The following OSBPL2 variants were observed in gnomAD, a reference collection of about 807,000 sequenced individuals.
The protein encoded by OSBPL2 is oxysterol-binding protein-related protein 2.
Under a neutral mutation model 58.4 loss-of-function variants are expected in OSBPL2, and 18 were observed. That is an observed-to-expected ratio of 0.31 (90% CI 0.21 to 0.46). The LOEUF (loss-of-function observed/expected upper bound fraction) is 0.46, where lower values mean the gene tolerates loss of function less well. Ranked by LOEUF, OSBPL2 falls within the 20% of genes least tolerant of loss-of-function variation. OSBPL2 has a pLI of 1.00. For synonymous variants in OSBPL2, 221 were observed against 234.1 expected (o/e 0.94, Z 0.51); for missense variants, 461 against 616.5 (o/e 0.75, Z 2.67).
In OSBPL2 at chr20:62,273,408, TA is replaced by T; in HGVS notation, c.491+4del. 1 of 1,591,596 alleles carries T rather than the reference TA, an allele frequency of 6.3e-7. No individual in the cohort carries two copies. The highest frequency in any genetic ancestry group is 8.6e-7 in the Non-Finnish European group (1 of 1,168,426). On this transcript the variant is annotated splice_donor_region_variant and intron_variant, in intron 6 of 13. Transcript: ENST00000313733. ...GGGAGAAACGTATGAATTAATCAGG[TA>T]AGGGGGGAAAGGCCCATCATAAATA...
intron 2 of OSBPL2, among the ~76,000 whole-genome samples, chr20:62,258,424 A>G (rs527796325): frequency 5.9e-5 from 9 of 152,338 alleles, no homozygotes; most frequent in African/African-American, 2.2e-4. Context: ...TGTCTTAAGA[A>G]TCAGTGCCAT....
intron 12 of OSBPL2, among the ~76,000 whole-genome samples, chr20:62,290,784 G>GCT (rs2145980691): frequency 6.7e-6 from 1 of 149,452 alleles, no homozygotes; most frequent in South Asian, 2.1e-4. Flanking sequence ...TGTTGCCCAG[G>GCT]CTGGAGTGCA....
At chr20:62,276,623 T>A (rs1378693280) in intron 6 of OSBPL2, among the ~76,000 whole-genome samples, 1 of 152,162 alleles carries the variant, frequency 6.6e-6, no homozygotes, top group Non-Finnish European at 1.5e-5. Flanking sequence ...TTTGAGCAAG[T>A]AGGACTAGTT....
chr20:62,246,358 G>A (rs556274657), intron 1 of OSBPL2, among the ~76,000 whole-genome samples: 1 of 152,364 alleles, frequency 6.6e-6, no homozygotes, highest in South Asian at 2.1e-4. Flanking sequence ...CCATAGGGAC[G>A]ACACTGGACA....
intron 1 of OSBPL2, among the ~76,000 whole-genome samples, chr20:62,248,813 C>T (rs1309721600): frequency 6.6e-6 from 1 of 152,112 alleles, no homozygotes; most frequent in Non-Finnish European, 1.5e-5. Context: ...GCCTTAGTCT[C>T]CTAAGTAGCT....
rs546962618 is a variant in OSBPL2, at chr20:62,266,558, C to T, written c.258+2867C>T. Reference sequence around the variant, plus strand: ...CTGCAGTGATTGGCTGTGGCTCGTTCTGGATCCGAGGTGATTGGCTGTGGC... The same window carrying T: ...CTGCAGTGATTGGCTGTGGCTCGTTTTGGATCCGAGGTGATTGGCTGTGGC... On this transcript the variant is annotated intron_variant, in intron 4 of 13. Coordinates refer to ENST00000313733, the MANE Select transcript of OSBPL2 (RefSeq NM_144498.4). 8.1e-4 allele frequency among the ~76,000 whole-genome samples: 123 copies of T among 152,186 alleles called. 1 individual carries two copies. Among genetic ancestry groups the T allele is most frequent in the Middle Eastern group, 3.4e-3 (1 of 294 alleles).
intron 1 of OSBPL2, 80 bp from the exon 2 acceptor site, chr20:62,255,977 T>A: frequency 1.9e-6 from 1 of 519,726 alleles, no homozygotes; most frequent in Non-Finnish European, 3.4e-6. Context: ...GATTTTAGGA[T>A]GGTGAATGGG....
chr20:62,271,998 G>A (rs989819533), intron 4 of OSBPL2, 127 bp from the exon 5 acceptor site: 24 of 1,117,346 alleles, frequency 2.1e-5, no homozygotes, highest in Non-Finnish European at 3.0e-5. Context: ...ACCCATGGGG[G>A]GTTTGAAGAT....
At chr20:62,272,284 G>C in intron 5 of OSBPL2, 25 bp downstream of exon 5, 1 of 1,609,220 alleles carries the variant, frequency 6.2e-7, no homozygotes, top group Non-Finnish European at 8.5e-7. Flanking sequence ...TGCCAGGCAG[G>C]AGTTTGTCAT....
At chr20:62,279,134 C>A (rs370305474) in intron 6 of OSBPL2, 23 bp from the exon 7 acceptor site, 1 of 1,589,514 alleles carries the variant, frequency 6.3e-7, no homozygotes, top group Admixed American at 1.7e-5. Flanking sequence ...TAATGTGTCT[C>A]TCTTTTTTAT....
Position 62,238,561 on chromosome 20 carries a change from A to G in OSBPL2, c.-165A>G, listed in dbSNP as rs1157157600. ...GCCTACGGGGCGGGGGCGGGGCGGC[A>G]GTGAGCTCGGCCGGCAACCGAGGGA... On this transcript the variant is annotated 5_prime_UTR_variant, in exon 1 of 14. Transcript: ENST00000313733. 1.3e-5 allele frequency: 2 copies of G among 149,348 alleles called. No homozygotes were observed. The highest frequency in any genetic ancestry group is 3.9e-4 in the East Asian group (2 of 5,080). The allele number at this position is 149,348 out of a possible 1,614,324, so 9.3% of individuals were successfully genotyped here.
Position 62,256,454 on chromosome 20 carries a change from G to A in OSBPL2, c.37+233G>A, listed in dbSNP as rs550646540. On this transcript the variant is annotated intron_variant, in intron 2 of 13. Coordinates refer to ENST00000313733, the MANE Select transcript of OSBPL2 (RefSeq NM_144498.4). ...TCTCCCGAAGAGTTTCCTGGGGTGC[G>A]GATATTTTCATTTGTCTCCTGAGAT... 2.6e-5 allele frequency among the ~76,000 whole-genome samples: 4 copies of A among 152,200 alleles called. No homozygotes were observed. In the East Asian group the frequency reaches 5.8e-4, roughly 22 times the overall value.
intron 4 of OSBPL2, 72 bp downstream of exon 4, chr20:62,263,763 G>T: frequency 7.1e-7 from 1 of 1,400,368 alleles, no homozygotes; most frequent in South Asian, 1.1e-5. Context: ...CAGTGCTGGT[G>T]GTTTAAGAAA....
intron 4 of OSBPL2, 80 bp from the exon 5 acceptor site, chr20:62,272,045 A>G: frequency 2.6e-6 from 4 of 1,537,862 alleles, no homozygotes; most frequent in East Asian, 2.3e-5. Context: ...CCATGAAGGG[A>G]TGCTCAGAGC....
Position 62,289,230 on chromosome 20 carries a change from T to C in OSBPL2, c.1149T>C (p.Thr383=), listed in dbSNP as rs2145978018. Residue 383 remains threonine, a synonymous_variant, in exon 12 of 14, where the codon ACT becomes ACC. Coordinates refer to ENST00000313733, the MANE Select transcript of OSBPL2 (RefSeq NM_144498.4). ...SAQMYNFTSF[T]VSLNELETGM... Reference sequence around the variant, plus strand: ...AGATGTATAATTTCACCAGTTTCACTGTGAGCCTCAACGAGCTGGAGACAG... The same window carrying C: ...AGATGTATAATTTCACCAGTTTCACCGTGAGCCTCAACGAGCTGGAGACAG... 11 of 1,613,812 alleles carry C rather than the reference T, an allele frequency of 6.8e-6. No individual in the cohort carries two copies. In the Middle Eastern group the frequency reaches 1.2e-3, roughly 170 times the overall value.
chr20:62,279,052 C>T, intron 6 of OSBPL2, 105 bp from the exon 7 acceptor site: 2 of 930,930 alleles, frequency 2.1e-6, no homozygotes, highest in Non-Finnish European at 3.2e-6. Flanking sequence ...CATGGAGGGC[C>T]CCTGCTTCCC....
Position 62,294,102 on chromosome 20 carries a change from G to T in OSBPL2, c.*215G>T. 1.6e-6 allele frequency: 1 copy of T among 634,206 alleles called. No homozygotes were observed. 39.3% of individuals were successfully genotyped at this position (634,206 alleles called of 1,614,324 possible). A position where few individuals can be genotyped will look rare whatever the true frequency, so the allele number is the denominator to read the frequency against. ...CGTCTCTTCATAAAGCTTCACTTGG[G>T]ATCATCGTCTTCATTAAGGTTTCAA... is the stretch of plus-strand genomic sequence containing the variant. On this transcript the variant is annotated 3_prime_UTR_variant, in exon 14 of 14. Transcript: ENST00000313733.
chr20:62,245,219 C>G (rs1294543544), intron 1 of OSBPL2, among the ~76,000 whole-genome samples: 1 of 152,072 alleles, frequency 6.6e-6, no homozygotes, highest in African/African-American at 2.4e-5. Flanking sequence ...GTGCCTCAGC[C>G]TTCTGAGTAG....
intron 1 of OSBPL2, among the ~76,000 whole-genome samples, chr20:62,247,170 C>T (rs2145915575): frequency 6.6e-6 from 1 of 152,382 alleles, no homozygotes; most frequent in Admixed American, 6.5e-5. Flanking sequence ...AGGTGCTCTT[C>T]AGTGCACGAT....
Sources: allele counts gnomAD v4.1 joint callset (sites outside exome capture counted in the v4.1 genomes callset), GRCh38; gene constraint gnomAD v4.1.1; transcripts MANE v1.5; gene names NCBI Gene and HGNC (gene_info 2026-07-23, HGNC 2026-07-21).